Variants in LRMDA observed in about 807,000 individuals in gnomAD.
LRMDA encodes the protein leucine-rich melanocyte differentiation-associated protein.
A neutral mutation model predicts 29.8 loss-of-function variants in LRMDA; 18 were observed. The observed-to-expected ratio is 0.60, with a 90% CI of 0.42 to 0.90. The LOEUF (loss-of-function observed/expected upper bound fraction) is 0.90. Ranked by LOEUF, LRMDA falls within the 40% of genes least tolerant of loss-of-function variation. LRMDA has a pLI of 0.00. For missense variants in LRMDA, 273 were observed against 273.9 expected (o/e 1.00, Z 0.02); for synonymous variants, 125 against 109.4 (o/e 1.14, Z -0.89).
intron 6 of LRMDA, among the ~76,000 whole-genome samples, chr10:76,343,409 G>A (rs1345604367): frequency 2.0e-5 from 3 of 152,150 alleles, no homozygotes; most frequent in South Asian, 2.1e-4. Context: ...CAGCATAAAA[G>A]CAGAGTAAAA....
At chr10:75,968,242 C>G (rs993975443) in intron 2 of LRMDA, among the ~76,000 whole-genome samples, 1 of 151,994 alleles carries the variant, frequency 6.6e-6, no homozygotes, top group Admixed American at 6.6e-5. Flanking sequence ...ACAGAGGGAC[C>G]CTTCCGGAGG....
At chr10:76,516,850 A>G (rs1843067146) in intron 6 of LRMDA, among the ~76,000 whole-genome samples, 1 of 152,206 alleles carries the variant, frequency 6.6e-6, no homozygotes, top group Non-Finnish European at 1.5e-5. Context: ...TCCTTTGGGT[A>G]TATACCCAGT....
At position 76,172,714 on chromosome 10, in the gene LRMDA, G is replaced by A. The variant is rs926239514; in HGVS notation, c.516+113931G>A. Among the ~76,000 whole-genome samples, 143 of 152,086 alleles carry A rather than the reference G, an allele frequency of 9.4e-4. 15 individuals carry two copies. Among genetic ancestry groups the A allele is most frequent in the African/African-American group, 4.8e-5 (2 of 41,402 alleles). On this transcript the variant is annotated intron_variant, in intron 5 of 6. Transcript: ENST00000611255. Reference sequence around the variant, plus strand: ...GGAGCAGAAAATCAGAATATACAGGGCATCCAGTAGACTACTCAGGAGAGT... The same window carrying A: ...GGAGCAGAAAATCAGAATATACAGGACATCCAGTAGACTACTCAGGAGAGT...
At chr10:75,954,534 T>C (rs1300857404) in intron 2 of LRMDA, among the ~76,000 whole-genome samples, 2 of 152,232 alleles carry the variant, frequency 1.3e-5, no homozygotes, top group Non-Finnish European at 2.9e-5. Flanking sequence ...AGAAAGCTGC[T>C]GGCCAGGGTC....
intron 2 of LRMDA, among the ~76,000 whole-genome samples, chr10:75,569,848 G>A (rs1308823979): frequency 6.6e-6 from 1 of 152,228 alleles, no homozygotes; most frequent in African/African-American, 2.4e-5. Flanking sequence ...TTGCCAGTGA[G>A]AAACCACATT....
At chr10:76,259,295 T>C (rs963443147) in intron 5 of LRMDA, among the ~76,000 whole-genome samples, 3 of 152,094 alleles carry the variant, frequency 2.0e-5, no homozygotes, top group African/African-American at 7.2e-5. Flanking sequence ...ATCATTTGCC[T>C]ATTTTCATTC....
At chr10:76,063,051 C>G (rs1332936609) in intron 5 of LRMDA, among the ~76,000 whole-genome samples, 1 of 152,156 alleles carries the variant, frequency 6.6e-6, no homozygotes, top group Non-Finnish European at 1.5e-5. Context: ...CCTGTTCTGG[C>G]AAAGAGCACA....
chr10:75,838,830 G>A (rs1162832086), intron 2 of LRMDA, among the ~76,000 whole-genome samples: 1 of 152,228 alleles, frequency 6.6e-6, no homozygotes. Context: ...GAGTGAAGAT[G>A]TGTATTTAAA....
At chr10:75,472,805 A>G (rs1844741912) in intron 2 of LRMDA, among the ~76,000 whole-genome samples, 1 of 152,246 alleles carries the variant, frequency 6.6e-6, no homozygotes, top group Admixed American at 6.5e-5. Flanking sequence ...GCCCTGAGCT[A>G]GAGCAAAGCC....
chr10:76,519,202 G>T (rs1011752586), intron 6 of LRMDA, among the ~76,000 whole-genome samples: 1 of 151,682 alleles, frequency 6.6e-6, no homozygotes, highest in African/African-American at 2.4e-5. Context: ...ATTTTTTTTT[G>T]AAATTGAAAC....
intron 6 of LRMDA, among the ~76,000 whole-genome samples, chr10:76,539,984 TCACACACACA>T (rs35952483): frequency 6.7e-6 from 1 of 150,108 alleles, no homozygotes; most frequent in Non-Finnish European, 1.5e-5. Flanking sequence ...ATCAACATGT[TCACACACACA>T]CACACACACA....
chr10:75,858,363 C>T (rs989202793), intron 2 of LRMDA, among the ~76,000 whole-genome samples: 14 of 152,124 alleles, frequency 9.2e-5, no homozygotes, highest in African/African-American at 2.7e-4. Context: ...CCTGTCGCAC[C>T]CTTCCCTTCC....
intron 5 of LRMDA, among the ~76,000 whole-genome samples, chr10:76,223,271 A>G (rs936051372): frequency 6.6e-6 from 1 of 152,116 alleles, no homozygotes; most frequent in Non-Finnish European, 1.5e-5. Context: ...TATAATAATA[A>G]TAATAATAAA....
At chr10:76,069,696 A>C (rs1848844848) in intron 5 of LRMDA, among the ~76,000 whole-genome samples, 6 of 149,900 alleles carry the variant, frequency 4.0e-5, no homozygotes, top group Admixed American at 4.0e-4. Context: ...GAAGTGAGTC[A>C]CCTCTTCTTT....
At chr10:76,304,449 G>T (rs1014565610) in intron 5 of LRMDA, among the ~76,000 whole-genome samples, 1 of 152,140 alleles carries the variant, frequency 6.6e-6, no homozygotes, top group African/African-American at 2.4e-5. Flanking sequence ...AAATCAACTG[G>T]GCTCTGCTAG....
At chr10:75,502,413 T>C (rs1589162339) in intron 2 of LRMDA, among the ~76,000 whole-genome samples, 2 of 145,816 alleles carry the variant, frequency 1.4e-5, no homozygotes, top group South Asian at 4.3e-4. Flanking sequence ...TTATATACCT[T>C]TTTGCCTTTT....
chr10:76,097,929 T>C (rs1321431739), intron 5 of LRMDA, among the ~76,000 whole-genome samples: 1 of 152,178 alleles, frequency 6.6e-6, no homozygotes, highest in African/African-American at 2.4e-5. Flanking sequence ...ATGAGGATAA[T>C]TAGCATATCT....
At chr10:76,105,894 A>G (rs758286534) in intron 5 of LRMDA, among the ~76,000 whole-genome samples, 2 of 152,148 alleles carry the variant, frequency 1.3e-5, no homozygotes, top group South Asian at 4.2e-4. Context: ...CTACAGGCGC[A>G]TGCCACCATG....
intron 6 of LRMDA, among the ~76,000 whole-genome samples, chr10:76,329,683 A>G (rs529306663): frequency 4.6e-5 from 7 of 152,266 alleles, no homozygotes; most frequent in Non-Finnish European, 8.8e-5. Context: ...GACTGTCACA[A>G]AGTAATTTAT....
Sources: allele counts gnomAD v4.1 joint callset (sites outside exome capture counted in the v4.1 genomes callset), GRCh38; gene constraint gnomAD v4.1.1; transcripts MANE v1.5; gene names NCBI Gene and HGNC (gene_info 2026-07-23, HGNC 2026-07-21).